Variants in PAK4 observed in about 807,000 individuals in gnomAD.
PAK4 encodes the protein serine/threonine-protein kinase PAK 4.
A neutral mutation model predicts 53.5 loss-of-function variants in PAK4; 49 were observed. That is an observed-to-expected ratio of 0.92 (90% CI 0.73 to 1.16). The LOEUF (loss-of-function observed/expected upper bound fraction) is 1.16. Among genes scored for constraint, PAK4 ranks in the 50% most tolerant of loss-of-function variants. The probability of loss-of-function intolerance (pLI) is 0.00; values close to 1 mark genes in which losing one functional copy is unlikely to be tolerated. For missense variants in PAK4, 824 were observed against 850.7 expected (o/e 0.97, Z 0.39); for synonymous variants, 376 against 375.6 (o/e 1.00, Z -0.01).
chr19:39,164,955 C>A (rs2074345208), intron 1 of PAK4, among the ~76,000 whole-genome samples: 1 of 151,940 alleles, frequency 6.6e-6, no homozygotes, highest in Non-Finnish European at 1.5e-5. Flanking sequence ...ATCTTTCCTG[C>A]TGCACAGGCC....
At chr19:39,169,746 G>A (rs779005730) in exon 2 of PAK4, 26 of 1,600,554 alleles carry the variant, frequency 1.6e-5, no homozygotes, top group East Asian at 2.2e-5. Flanking sequence ...CATCCAGCCC[G>A]GGGCCCCCAA....
chr19:39,178,589 C>T lies in PAK4; in HGVS notation c.*10C>T. The T allele has an allele frequency of 6.4e-7, 1 of 1,565,504 alleles. No individual in the cohort carries two copies. Among genetic ancestry groups the T allele is most frequent in the Non-Finnish European group, 8.7e-7 (1 of 1,151,140 alleles). ...GAACCGCACCAGATGAGGCCCAGCG[C>T]CCTTCCCCTCAACCAAAGAGCCCCC... On this transcript the variant is annotated 3_prime_UTR_variant, in exon 9 of 9. Coordinates refer to ENST00000358301, the Ensembl canonical transcript of PAK4. The surrounding 1 kb of genome is among the most constrained non-coding windows in gnomAD (Gnocchi z 4.4).
chr19:39,166,594 GA>G (rs1347985031), intron 1 of PAK4, among the ~76,000 whole-genome samples: 1 of 152,244 alleles, frequency 6.6e-6, no homozygotes, highest in Non-Finnish European at 1.5e-5. Flanking sequence ...CACAGACACA[GA>G]AAGTGAGGTC....
chr19:39,173,183 A>G lies in PAK4; in HGVS notation c.470A>G (p.Glu157Gly). The change falls in exon 3 of 9, where the codon GAG (glutamate) becomes GGG (glycine). Residue 157 changes from glutamate (E) to glycine (G), a missense_variant. By Grantham distance (98) the Glu-to-Gly change is moderately conservative. Coordinates refer to ENST00000358301, the Ensembl canonical transcript of PAK4. The surrounding 1 kb of genome is among the most constrained non-coding windows in gnomAD (Gnocchi z 6.9). ...GGTGACAGGCGACGGGCGGGGCCAG[A>G]GAAGAGGCCCAAGTCTTCCAGGGAG... 1 of 1,543,130 alleles carries G rather than the reference A, an allele frequency of 6.5e-7. No homozygotes were observed. Among genetic ancestry groups the G allele is most frequent in the South Asian group, 1.2e-5 (1 of 83,606 alleles).
intron 1 of PAK4, among the ~76,000 whole-genome samples, chr19:39,137,669 C>CTT (rs754678702): frequency 7.1e-5 from 10 of 140,302 alleles, no homozygotes; most frequent in African/African-American, 1.6e-4. Context: ...GGTCACTTTC[C>CTT]TTTTTTTTTT....
intron 1 of PAK4, among the ~76,000 whole-genome samples, chr19:39,169,130 C>A (rs1013054463): frequency 1.3e-5 from 2 of 151,918 alleles, no homozygotes; most frequent in Non-Finnish European, 2.9e-5. Flanking sequence ...TTGGGGTGGT[C>A]AGGAAAGGAG....
rs1346873812 is a variant in PAK4, at chr19:39,174,918, A to G, written c.1099-13A>G. 6.2e-7 allele frequency: 1 copy of G among 1,613,458 alleles called. No individual in the cohort carries two copies. The highest frequency in any genetic ancestry group is 8.5e-7 in the Non-Finnish European group (1 of 1,179,812). On this transcript the variant is annotated splice_polypyrimidine_tract_variant and intron_variant, in intron 4 of 8. Coordinates refer to ENST00000358301, the Ensembl canonical transcript of PAK4. ...TCCCGCCTCCCTCCACCACTGACCC[A>G]GCCCCTGCACAGGTGGTAATCATGA...
chr19:39,166,668 C>A (rs977643578), intron 1 of PAK4, among the ~76,000 whole-genome samples: 1 of 152,190 alleles, frequency 6.6e-6, no homozygotes, highest in Non-Finnish European at 1.5e-5. Flanking sequence ...GACTGCCAAG[C>A]TTGGAGCTGG....
chr19:39,145,298 A>G (rs571013640), intron 1 of PAK4, among the ~76,000 whole-genome samples: 14 of 152,232 alleles, frequency 9.2e-5, no homozygotes, highest in South Asian at 2.1e-4. Flanking sequence ...AGTGTCCCGC[A>G]TTGTTCTGCA....
intron 2 of PAK4, among the ~76,000 whole-genome samples, chr19:39,171,151 T>G (rs1312209506): frequency 6.6e-6 from 1 of 151,664 alleles, no homozygotes; most frequent in Non-Finnish European, 1.5e-5. Context: ...TAGGCACTTG[T>G]GTTTGCTGCC....
In PAK4 at chr19:39,143,420, G is replaced by A. The variant is rs901632355; in HGVS notation, c.-23+17501G>A. ...AGCCTGGCCAACACAGTGAAACCCC[G>A]TCTCTACTAAAAATACAAAAAAATT... On this transcript the variant is annotated intron_variant, in intron 1 of 8. Coordinates refer to ENST00000358301, the Ensembl canonical transcript of PAK4. Among the ~76,000 whole-genome samples, 81 of 150,580 alleles carry A rather than the reference G, an allele frequency of 5.4e-4. 1 individual carries two copies. The highest frequency in any genetic ancestry group is 5.0e-3 in the Admixed American group (75 of 15,090).
At chr19:39,134,690 C>G (rs1317478561) in intron 1 of PAK4, among the ~76,000 whole-genome samples, 1 of 150,620 alleles carries the variant, frequency 6.6e-6, no homozygotes, top group African/African-American at 2.5e-5. Context: ...GCCTCTGCCT[C>G]CTGGGTTCAA....
intron 4 of PAK4, among the ~76,000 whole-genome samples, chr19:39,174,726 G>A (rs1452752977): frequency 6.6e-6 from 1 of 152,182 alleles, no homozygotes; most frequent in Non-Finnish European, 1.5e-5. Flanking sequence ...GTGCCCAGGG[G>A]GGCGCGCCCC....
At chr19:39,149,434 A>G (rs1391380823) in intron 1 of PAK4, among the ~76,000 whole-genome samples, 1 of 152,252 alleles carries the variant, frequency 6.6e-6, no homozygotes, top group Non-Finnish European at 1.5e-5. Context: ...CGAAGGACCT[A>G]GAGTAGGCAA....
At chr19:39,138,005 A>C (rs544234981) in intron 1 of PAK4, among the ~76,000 whole-genome samples, 11 of 142,758 alleles carry the variant, frequency 7.7e-5, no homozygotes, top group Non-Finnish European at 1.1e-4. Flanking sequence ...TTTTTGAGAC[A>C]GGGTCTTGCT....
At position 39,173,139 on chromosome 19, in the gene PAK4, C is replaced by A. The variant is rs1432908413; in HGVS notation, c.426C>A (p.Ser142Arg). 6.5e-7 allele frequency: 1 copy of A among 1,543,976 alleles called. No individual in the cohort carries two copies. The highest frequency in any genetic ancestry group is 2.5e-5 in the East Asian group (1 of 40,786). The stretch of plus-strand genomic sequence containing the variant: ...GCCGAGGCCGGTTCGCCGGTCACAG[C>A]GAGGCGGGTGGCGGCAGTGGTGACA... The change falls in exon 3 of 9, where the codon AGC (serine) becomes AGA (arginine). Residue 142 changes from serine to arginine, a missense_variant. By Grantham distance (110) the Ser-to-Arg change is moderately radical (BLOSUM62 -1). Around this residue, in one of 2 missense-constraint regions of PAK4, gnomAD observed 478 missense variants for 435.8 expected, o/e 1.10. Coordinates refer to ENST00000358301, the Ensembl canonical transcript of PAK4. The surrounding 1 kb of genome is among the most constrained non-coding windows in gnomAD (Gnocchi z 6.9).
intron 1 of PAK4, among the ~76,000 whole-genome samples, chr19:39,151,017 G>T (rs1238767064): frequency 1.3e-5 from 2 of 152,062 alleles, no homozygotes; most frequent in Non-Finnish European, 2.9e-5. Flanking sequence ...CCATGAACGT[G>T]GGAAGGAGGC....
rs1012076986 is a variant in PAK4 at position 39,172,002 on chromosome 19, C to T, written c.205-916C>T. ...GGGAGCAGACAGATGCCTGTGTGCT[C>T]TGTATCAGCTGCTGTTAGGTGCTCT... On this transcript the variant is annotated intron_variant, in intron 2 of 8. Coordinates refer to ENST00000358301, the Ensembl canonical transcript of PAK4. 5.9e-5 allele frequency among the ~76,000 whole-genome samples: 9 copies of T among 152,244 alleles called. No individual in the cohort carries two copies. The East Asian group carries it at 1.2e-3, about 20-fold the overall frequency.
Position 39,158,201 on chromosome 19 carries a change from A to ATGTGCATGTGTGGGTGTGCGTGTG in PAK4, c.-22-11318_-22-11295dup, listed in dbSNP as rs375458248. Among the ~76,000 whole-genome samples the ATGTGCATGTGTGGGTGTGCGTGTG allele has an allele frequency of 6.6e-3, 989 of 149,374 alleles. 15 individuals carry two copies. The highest frequency in any genetic ancestry group is 0.022 in the African/African-American group (903 of 40,456). ...TGTGCATGTGTGTGAGCGTGCATGT[A>ATGTGCATGTGTGGGTGTGCGTGTG]TGTGCATGTGTGGGTGTGCGTGTGT... On this transcript the variant is annotated intron_variant, in intron 1 of 8. Transcript: ENST00000358301.
Sources: allele counts gnomAD v4.1 joint callset (sites outside exome capture counted in the v4.1 genomes callset), GRCh38; gene constraint gnomAD v4.1.1; regional missense constraint gnomAD v4.1.1; non-coding constraint Gnocchi (gnomAD v3.1); transcripts MANE v1.5; gene names NCBI Gene and HGNC (gene_info 2026-07-23, HGNC 2026-07-21).